The following GALNTL6 variants were observed in gnomAD, a reference collection of about 807,000 sequenced individuals.
GALNTL6 encodes polypeptide N-acetylgalactosaminyltransferase like 6.
A neutral mutation model predicts 73.7 loss-of-function variants in GALNTL6; 46 were observed. The observed-to-expected ratio is 0.62, with a 90% CI of 0.49 to 0.80. GALNTL6 has a LOEUF of 0.80. GALNTL6 is among the 30% of genes least tolerant of loss of function. The pLI, the probability that GALNTL6 is intolerant of heterozygous loss-of-function variation, is 0.00. For missense variants in GALNTL6, 604 were observed against 755.0 expected, an observed-to-expected ratio of 0.80 and a Z score of 2.34; for synonymous variants, 259 against 263.7, an observed-to-expected ratio of 0.98 and a Z score of 0.17.
intron 7 of GALNTL6, among the ~76,000 whole-genome samples, chr4:172,827,126 G>A (rs2111042003): frequency 2.0e-5 from 3 of 152,242 alleles, no homozygotes; most frequent in Middle Eastern, 6.8e-3. Flanking sequence ...TGCATGGTAG[G>A]GTCACTCTCC....
At chr4:171,963,186 T>C (rs576382664) in intron 2 of GALNTL6, among the ~76,000 whole-genome samples, 2 of 152,208 alleles carry the variant, frequency 1.3e-5, no homozygotes, top group Non-Finnish European at 2.9e-5. Flanking sequence ...GGAAAGATGC[T>C]AGAAATCAAA....
chr4:172,680,147 G>A lies in GALNTL6; in HGVS notation c.554-129214G>A, dbSNP rs550937057. Among the ~76,000 whole-genome samples, 7 of 152,208 alleles carry A rather than the reference G, an allele frequency of 4.6e-5. No individual in the cohort carries two copies. In the South Asian group the frequency reaches 1.5e-3, roughly 32 times the overall value. On this transcript the variant is annotated intron_variant, in intron 5 of 12. Coordinates refer to ENST00000506823, the MANE Select transcript of GALNTL6 (RefSeq NM_001034845.3). Reference sequence around the variant, plus strand: ...CAATAATAGTGGCAAATATTTTTGAGCCAGAATCAGGACTGAGTTTTTCCA... The same window carrying A: ...CAATAATAGTGGCAAATATTTTTGAACCAGAATCAGGACTGAGTTTTTCCA...
chr4:172,841,107 C>T (rs1003569245), intron 7 of GALNTL6, among the ~76,000 whole-genome samples: 2 of 152,202 alleles, frequency 1.3e-5, no homozygotes, highest in African/African-American at 4.8e-5. Flanking sequence ...CAGGGAAACT[C>T]AACTGGCAAC....
chr4:172,787,258 C>T (rs1579481245), intron 5 of GALNTL6, among the ~76,000 whole-genome samples: 1 of 152,118 alleles, frequency 6.6e-6, no homozygotes, highest in Non-Finnish European at 1.5e-5. Flanking sequence ...GGCTCATTTC[C>T]GGAAACTCAT....
intron 5 of GALNTL6, among the ~76,000 whole-genome samples, chr4:172,602,780 T>C (rs554513934): frequency 6.6e-6 from 1 of 152,292 alleles, no homozygotes; most frequent in Admixed American, 6.5e-5. Context: ...GCTTATACAT[T>C]AATGTTTATC....
chr4:172,191,919 C>T (rs1421430144), intron 2 of GALNTL6, among the ~76,000 whole-genome samples: 1 of 152,064 alleles, frequency 6.6e-6, no homozygotes, highest in Admixed American at 6.6e-5. Flanking sequence ...TTCACAAATA[C>T]CTAGCACATA....
intron 5 of GALNTL6, among the ~76,000 whole-genome samples, chr4:172,794,061 G>T (rs1034335491): frequency 6.6e-6 from 1 of 152,160 alleles, no homozygotes; most frequent in African/African-American, 2.4e-5. Flanking sequence ...CAGAAATGCA[G>T]TCATCCTGCA....
chr4:171,925,215 C>A lies in GALNTL6; in HGVS notation c.138+110497C>A, dbSNP rs1247300275. On this transcript the variant is annotated intron_variant, in intron 2 of 12. Coordinates refer to ENST00000506823, the MANE Select transcript of GALNTL6 (RefSeq NM_001034845.3). ...AGGTACTGGAGAGCCAGACAGGATG[C>A]TCAAGAACTCAAATGCCTAGAAGGA... Among the ~76,000 whole-genome samples the A allele has an allele frequency of 5.9e-5, 9 of 152,106 alleles. No individual in the cohort carries two copies. In the South Asian group the frequency reaches 1.9e-3, roughly 32 times the overall value.
intron 4 of GALNTL6, among the ~76,000 whole-genome samples, chr4:172,333,343 T>G (rs2111185861): frequency 6.6e-6 from 1 of 152,192 alleles, no homozygotes; most frequent in East Asian, 1.9e-4. Context: ...AGATGGAGGT[T>G]GCAGTGAGCC....
intron 2 of GALNTL6, among the ~76,000 whole-genome samples, chr4:172,107,593 G>A (rs577572848): frequency 5.2e-4 from 76 of 146,864 alleles, no homozygotes; most frequent in African/African-American, 1.5e-3. Context: ...ACCAAACACC[G>A]CATGTTCTCA....
intron 2 of GALNTL6, among the ~76,000 whole-genome samples, chr4:171,886,368 A>T (rs1413667896): frequency 1.3e-5 from 2 of 152,194 alleles, no homozygotes; most frequent in African/African-American, 4.8e-5. Context: ...TCATTTTTTC[A>T]TTGTAAATTT....
At chr4:172,053,938 T>C (rs1464098814) in intron 2 of GALNTL6, among the ~76,000 whole-genome samples, 4 of 152,130 alleles carry the variant, frequency 2.6e-5, no homozygotes, top group African/African-American at 9.7e-5. Context: ...TCACAAATTA[T>C]GAGTTTCAAA....
At chr4:172,242,350 G>A (rs541383318) in intron 3 of GALNTL6, among the ~76,000 whole-genome samples, 14 of 152,034 alleles carry the variant, frequency 9.2e-5, no homozygotes, top group African/African-American at 2.9e-4. Context: ...AGATGTGTAT[G>A]TGTTTTGTGA....
At chr4:172,343,823 C>T (rs1741652164) in intron 4 of GALNTL6, among the ~76,000 whole-genome samples, 1 of 151,860 alleles carries the variant, frequency 6.6e-6, no homozygotes, top group Non-Finnish European at 1.5e-5. Context: ...CACGACTTGT[C>T]ATTTCTCTCA....
At chr4:173,010,823 T>C (rs1356774791) in intron 11 of GALNTL6, among the ~76,000 whole-genome samples, 1 of 151,286 alleles carries the variant, frequency 6.6e-6, no homozygotes, top group Non-Finnish European at 1.5e-5. Flanking sequence ...GCCAGAATGG[T>C]CTCGATCTCC....
chr4:172,664,178 G>C (rs1192275858), intron 5 of GALNTL6, among the ~76,000 whole-genome samples: 1 of 152,076 alleles, frequency 6.6e-6, no homozygotes, highest in Admixed American at 6.6e-5. Flanking sequence ...CTTATGTCTT[G>C]GAAGGGTTCT....
At chr4:172,608,844 T>G (rs1179298213) in intron 5 of GALNTL6, among the ~76,000 whole-genome samples, 4 of 152,124 alleles carry the variant, frequency 2.6e-5, no homozygotes, top group Non-Finnish European at 4.4e-5. Flanking sequence ...ATCTTTCAAC[T>G]CCCTGCTTAG....
chr4:172,392,524 C>T (rs1052075811), intron 5 of GALNTL6, among the ~76,000 whole-genome samples: 3 of 150,834 alleles, frequency 2.0e-5, no homozygotes, highest in Non-Finnish European at 4.4e-5. Context: ...CCTCCTTCCT[C>T]GGTCTCCCAA....
chr4:172,874,215 T>A (rs138394344), intron 7 of GALNTL6, among the ~76,000 whole-genome samples: 1 of 152,330 alleles, frequency 6.6e-6, no homozygotes, highest in East Asian at 1.9e-4. Flanking sequence ...GCTCTGCCAT[T>A]TCACATCACA....
Sources: allele counts gnomAD v4.1 joint callset (sites outside exome capture counted in the v4.1 genomes callset), GRCh38; gene constraint gnomAD v4.1.1; transcripts MANE v1.5; gene names NCBI Gene and HGNC (gene_info 2026-07-23, HGNC 2026-07-21).